NBEA: variants seen among roughly 807,000 people sequenced by gnomAD.
The protein encoded by NBEA is lysosomal-trafficking regulator 2.
Under a neutral mutation model 343.4 loss-of-function variants are expected in NBEA, and 44 were observed. That is an observed-to-expected ratio of 0.13 (90% CI 0.10 to 0.16). NBEA has a LOEUF of 0.16. Ranked by LOEUF, NBEA falls within the 10% of genes least tolerant of loss-of-function variation. The pLI is 1.00. For synonymous variants in NBEA, 1,175 were observed against 1,238.7 expected, an observed-to-expected ratio of 0.95 and a Z score of 1.08; for missense variants, 2,555 against 3,631.3, an observed-to-expected ratio of 0.70 and a Z score of 7.62.
At chr13:35,488,784 A>G (rs2152972079) in intron 41 of NBEA, among the ~76,000 whole-genome samples, 1 of 152,016 alleles carries the variant, frequency 6.6e-6, no homozygotes, top group South Asian at 2.1e-4. Flanking sequence ...TGTTTTCTTC[A>G]AGTGCAGTGC....
intron 11 of NBEA, 66 bp downstream of exon 11, chr13:35,098,471 T>A: frequency 8.3e-7 from 1 of 1,201,664 alleles, no homozygotes; most frequent in Non-Finnish European, 1.2e-6. Flanking sequence ...AATCACTAAT[T>A]TTTTTTTCTG....
intron 2 of NBEA, among the ~76,000 whole-genome samples, chr13:35,043,738 C>G (rs1235211153): frequency 6.6e-6 from 1 of 151,828 alleles, no homozygotes; most frequent in Non-Finnish European, 1.5e-5. Context: ...GATAAGCATA[C>G]TAAGTTTCCA....
chr13:35,467,587 A>T (rs963215503), intron 40 of NBEA, among the ~76,000 whole-genome samples: 2 of 151,798 alleles, frequency 1.3e-5, no homozygotes, highest in Admixed American at 1.3e-4. Flanking sequence ...GTAAAAATTT[A>T]CTCCCTTATT....
intron 1 of NBEA, among the ~76,000 whole-genome samples, chr13:35,021,584 T>C (rs2061840616): frequency 6.6e-6 from 1 of 152,186 alleles, no homozygotes; most frequent in Non-Finnish European, 1.5e-5. Context: ...ATATTTGTTA[T>C]GACTTAATTT....
At chr13:35,276,795 A>G (rs1434815133) in intron 34 of NBEA, among the ~76,000 whole-genome samples, 1 of 152,236 alleles carries the variant, frequency 6.6e-6, no homozygotes, top group Non-Finnish European at 1.5e-5. Flanking sequence ...ATAAGATACT[A>G]GCCTGAGTTT....
intron 49 of NBEA, among the ~76,000 whole-genome samples, chr13:35,642,681 G>T (rs999198453): frequency 2.6e-5 from 4 of 152,158 alleles, no homozygotes; most frequent in Non-Finnish European, 5.9e-5. Context: ...GGGCAGTTGT[G>T]CAGGAATGCT....
chr13:35,308,540 GTATATATA>G (rs1193426602), intron 35 of NBEA, among the ~76,000 whole-genome samples: 1 of 74,196 alleles, frequency 1.3e-5, no homozygotes, highest in Admixed American at 1.7e-4. Context: ...ATGTATATAT[GTATATATA>G]TGTATATATG....
chr13:35,173,391 A>G, intron 26 of NBEA, 73 bp from the exon 27 acceptor site: 4 of 1,343,894 alleles, frequency 3.0e-6, no homozygotes, highest in Non-Finnish European at 3.0e-6. Flanking sequence ...AAGAAGAAAT[A>G]AACTTGCAAC....
chr13:34,961,431 A>G (rs145716139), intron 1 of NBEA, among the ~76,000 whole-genome samples: 1 of 152,190 alleles, frequency 6.6e-6, no homozygotes, highest in African/African-American at 2.4e-5. Context: ...TAGCTCACAG[A>G]TGATCTATTC....
chr13:35,251,653 C>T, intron 34 of NBEA: 3 of 854,672 alleles, frequency 3.5e-6, no homozygotes, highest in East Asian at 7.2e-5. Flanking sequence ...GGATGAGCAG[C>T]AGAAAGAGGC....
chr13:35,164,545 A>G (rs759749080), intron 24 of NBEA, 36 bp downstream of exon 24: 5 of 1,585,288 alleles, frequency 3.2e-6, no homozygotes, highest in Middle Eastern at 1.7e-4. Context: ...GTTATATTTT[A>G]TAAATACATG....
chr13:35,108,144 T>C (rs1235295898), intron 11 of NBEA, among the ~76,000 whole-genome samples: 2 of 152,020 alleles, frequency 1.3e-5, no homozygotes, highest in African/African-American at 4.8e-5. Flanking sequence ...TAAACTGATA[T>C]TCAGACTTCA....
intron 13 of NBEA, among the ~76,000 whole-genome samples, chr13:35,112,074 G>A (rs1379032455): frequency 1.3e-5 from 2 of 151,658 alleles, no homozygotes; most frequent in South Asian, 2.1e-4. Context: ...CTGCCAGCAC[G>A]CCCGGCTAAT....
chr13:35,248,550 T>C (rs1260831364), intron 34 of NBEA, among the ~76,000 whole-genome samples: 1 of 152,066 alleles, frequency 6.6e-6, no homozygotes. Flanking sequence ...CATAAAGACA[T>C]AGTAGACCAA....
In NBEA at chr13:35,014,423, T is replaced by A. The variant is rs145493002; in HGVS notation, c.295-26510T>A. Among the ~76,000 whole-genome samples, 756 of 152,300 alleles carry A rather than the reference T, an allele frequency of 5.0e-3. 6 individuals are homozygous for A. Among genetic ancestry groups the A allele is most frequent in the African/African-American group, 0.017 (692 of 41,566 alleles). ...GTTGTTGCATACTTCACAGTTGTCT[T>A]CTTAGTAGATTATTGTACTACTTTG... On this transcript the variant is annotated intron_variant, in intron 1 of 58. Transcript: ENST00000379939.
intron 11 of NBEA, among the ~76,000 whole-genome samples, chr13:35,108,428 C>G (rs952685368): frequency 6.6e-6 from 1 of 151,834 alleles, no homozygotes; most frequent in African/African-American, 2.4e-5. Flanking sequence ...ATTCAAGCCT[C>G]AGGTGCAATT....
chr13:35,069,597 T>C (rs2063787399), intron 8 of NBEA, among the ~76,000 whole-genome samples: 1 of 152,162 alleles, frequency 6.6e-6, no homozygotes, highest in South Asian at 2.1e-4. Context: ...CAACTTAAGC[T>C]CTGATGTAGT....
rs186858279 is a variant in NBEA at position 35,611,934 on chromosome 13, G to A, written c.7449+5356G>A. On this transcript the variant is annotated intron_variant, in intron 48 of 58. Transcript: ENST00000379939. ...TATTTGGGGTATAGACCTAGGAGTA[G>A]AATTGCTGGGTCATATGGTAAATTT... is the stretch of plus-strand genomic sequence containing the variant. 3.7e-4 allele frequency among the ~76,000 whole-genome samples: 56 copies of A among 152,278 alleles called. 1 individual carries two copies. Among genetic ancestry groups the A allele is most frequent in the Admixed American group, 2.4e-3 (36 of 15,304 alleles).
chr13:35,250,463 T>A (rs1353431191), intron 34 of NBEA, among the ~76,000 whole-genome samples: 2 of 152,156 alleles, frequency 1.3e-5, no homozygotes, highest in Admixed American at 1.3e-4. Context: ...TCATAAATGG[T>A]TAATAAAGCC....
Sources: gnomAD v4.1 joint callset for allele counts (sites outside exome capture counted in the v4.1 genomes callset) on GRCh38, gnomAD v4.1.1 for gene constraint, MANE v1.5 for transcripts, NCBI Gene and HGNC (gene_info 2026-07-23, HGNC 2026-07-21) for gene names.